The following CDC42EP5 variants were observed in gnomAD, a reference collection of about 807,000 sequenced individuals.
CDC42EP5 encodes the protein CDC42 effector protein (Rho GTPase binding) 5.
For missense variants in CDC42EP5, 269 were observed against 238.0 expected, an observed-to-expected ratio of 1.13 and a Z score of -0.86; for synonymous variants, 118 against 123.3, an observed-to-expected ratio of 0.96 and a Z score of 0.28.
At chr19:54,468,992 C>CTTCT (rs775478912) in intron 2 of CDC42EP5, among the ~76,000 whole-genome samples, 9 of 144,064 alleles carry the variant, frequency 6.2e-5, no homozygotes, top group African/African-American at 1.5e-4. Context: ...TCCTTCCTTC[C>CTTCT]TTCTTTCTTT....
At chr19:54,466,394 G>A (rs1383538243) in intron 2 of CDC42EP5, among the ~76,000 whole-genome samples, 1 of 152,156 alleles carries the variant, frequency 6.6e-6, no homozygotes, top group East Asian at 1.9e-4. Flanking sequence ...TCGTGTCACT[G>A]TATTGGCCAC....
At chr19:54,466,702 A>T (rs931684669) in intron 2 of CDC42EP5, among the ~76,000 whole-genome samples, 2 of 152,222 alleles carry the variant, frequency 1.3e-5, no homozygotes, top group Non-Finnish European at 2.9e-5. Context: ...TACAGTAATA[A>T]AAAATGAGTA....
At position 54,465,531 on chromosome 19, in the gene CDC42EP5, T is replaced by TGCTTCAGC. The variant is rs1403242870; in HGVS notation, c.9_16dup (p.Gln6ArgfsTer2). Reference sequence around the variant, plus strand: ...CTTCTTGGGCTGCGCGGGGCCCAGCTGCTTCAGCACGGGCATCTGCGAGGG... The same window carrying TGCTTCAGC: ...CTTCTTGGGCTGCGCGGGGCCCAGCTGCTTCAGCGCTTCAGCACGGGCATCTGCGAGGG... On this transcript the variant is annotated stop_gained and frameshift_variant, in exon 3 of 3. Coordinates refer to ENST00000301200, the MANE Select transcript of CDC42EP5 (RefSeq NM_145057.4). LOFTEE classifies it low-confidence loss of function (END_TRUNC). 1 of 1,536,818 alleles carries TGCTTCAGC rather than the reference T, an allele frequency of 6.5e-7. No individual in the cohort carries two copies. Among genetic ancestry groups the TGCTTCAGC allele is most frequent in the Admixed American group, 2.0e-5 (1 of 51,070 alleles).
intron 2 of CDC42EP5, among the ~76,000 whole-genome samples, chr19:54,466,375 G>A (rs2084756906): frequency 6.6e-6 from 1 of 152,164 alleles, no homozygotes; most frequent in African/African-American, 2.4e-5. Flanking sequence ...AGGTTGCAGG[G>A]AGCCGAGATC....
intron 2 of CDC42EP5, among the ~76,000 whole-genome samples, chr19:54,467,260 C>G (rs965440055): frequency 1.3e-5 from 2 of 148,638 alleles, no homozygotes; most frequent in African/African-American, 4.9e-5. Flanking sequence ...ACCAGCCTGA[C>G]CAACATGGTG....
chr19:54,468,934 T>TC (rs2084797039), intron 2 of CDC42EP5, among the ~76,000 whole-genome samples: 4 of 146,408 alleles, frequency 2.7e-5, no homozygotes, highest in African/African-American at 1.0e-4. Context: ...TTTCTTTCTT[T>TC]TCTTCCCTCC....
chr19:54,465,402 A>T lies in CDC42EP5; in HGVS notation c.146T>A (p.Leu49Gln). The T allele has an allele frequency of 7.7e-7, 1 of 1,294,538 alleles. No homozygotes were observed. Among genetic ancestry groups the T allele is most frequent in the East Asian group, 3.2e-5 (1 of 30,848 alleles). The allele number at this position is 1,294,538 out of a possible 1,614,324, so 80.2% of individuals were successfully genotyped here. Reference sequence around the variant, plus strand: ...GGGCGGCCCGCCGCCGTGGCGGCTCAGGAACGAGGTGTCCCCGAAGGCGTC... The same window carrying T: ...GGGCGGCCCGCCGCCGTGGCGGCTCTGGAACGAGGTGTCCCCGAAGGCGTC... ...GGDAFGDTSF[L>Q]SRHGGGPPPE... The change falls in exon 3 of 3, where the codon CTG (leucine) becomes CAG (glutamine). Residue 49 changes from leucine (L) to glutamine (Q), a missense_variant. By Grantham distance (113) the Leu-to-Gln change is moderately radical. Transcript: ENST00000301200.
intron 2 of CDC42EP5, among the ~76,000 whole-genome samples, chr19:54,469,777 C>T (rs2084810082): frequency 5.3e-5 from 8 of 152,134 alleles, no homozygotes; most frequent in Admixed American, 5.2e-4. Flanking sequence ...ACAAAGCCAG[C>T]TCTAGGGAAC....
intron 2 of CDC42EP5, 76 bp from the exon 3 acceptor site, chr19:54,465,623 G>A (rs2084746356): frequency 1.5e-6 from 2 of 1,336,282 alleles, no homozygotes; most frequent in East Asian, 3.2e-5. Flanking sequence ...AGGACGATGG[G>A]GGACGGTTCC....
chr19:54,465,177 C>T lies in CDC42EP5; in HGVS notation c.371G>A (p.Arg124His), dbSNP rs1325399442. ...GGCCTGGGGGGGCTGCGTCCCGGGGCGGGGTTCCGCGTCGGGCTTGGCGGC... is the reference window on the plus strand; with the variant it reads ...GGCCTGGGGGGGCTGCGTCCCGGGGTGGGGTTCCGCGTCGGGCTTGGCGGC... ...AAAAKPDAEP[R>H]PGTQPPQARC... is the part of the protein sequence containing the mutation. Residue 124 changes from arginine to histidine, a missense_variant, in exon 3 of 3, where the codon CGC (arginine) becomes CAC (histidine). By Grantham distance (29) the Arg-to-His change is conservative. Coordinates refer to ENST00000301200, the MANE Select transcript of CDC42EP5 (RefSeq NM_145057.4). 4 of 1,419,220 alleles carry T rather than the reference C, an allele frequency of 2.8e-6. No homozygotes were observed. Among genetic ancestry groups the T allele is most frequent in the Middle Eastern group, 2.0e-4 (1 of 4,954 alleles). 87.9% of individuals were successfully genotyped at this position (1,419,220 alleles called of 1,614,324 possible).
rs763095870 is a variant in CDC42EP5 at position 54,465,221 on chromosome 19, C to T, written c.327G>A (p.Ala109=). Residue 109 remains alanine, a synonymous_variant, in exon 3 of 3, where the codon GCG becomes GCA. Coordinates refer to ENST00000301200, the MANE Select transcript of CDC42EP5 (RefSeq NM_145057.4). The stretch of plus-strand genomic sequence containing the variant: ...TGGCGGCAGCCGCCTCCGGGCGCGC[C>T]GCGTCCATGACGCCCAGCACCGCGT... ...MLDAVLGVMD[A]ARPEAAAAKP... The T allele has an allele frequency of 2.9e-4, 419 of 1,441,078 alleles. No homozygotes were observed. Among genetic ancestry groups the T allele is most frequent in the Non-Finnish European group, 2.3e-4 (258 of 1,101,298 alleles). The allele number at this position is 1,441,078 out of a possible 1,614,324, so 89.3% of individuals were successfully genotyped here.
intron 2 of CDC42EP5, among the ~76,000 whole-genome samples, chr19:54,466,139 G>A (rs1302104498): frequency 4.0e-5 from 6 of 151,874 alleles, no homozygotes; most frequent in Non-Finnish European, 7.4e-5. Context: ...AGACTTGACT[G>A]ATAGAAAACT....
rs1484688936 is a variant in CDC42EP5, at chr19:54,473,289, C to G, written c.-367G>C. 3 of 152,864 alleles carry G rather than the reference C, an allele frequency of 2.0e-5. No individual in the cohort carries two copies. The highest frequency in any genetic ancestry group is 1.3e-4 in the Admixed American group (2 of 15,254). 9.5% of individuals were successfully genotyped at this position (152,864 alleles called of 1,614,324 possible). A position where few individuals can be genotyped will look rare whatever the true frequency, so the allele number is the denominator to read the frequency against. The stretch of plus-strand genomic sequence containing the variant: ...GTGTGGGGGCGGGAGGAGGCCAGGA[C>G]TAAGTGTGCAGGGGGAACTGGCAGA... On this transcript the variant is annotated 5_prime_UTR_variant, in exon 1 of 3. Transcript: ENST00000301200.
chr19:54,466,887 C>G (rs1418009301), intron 2 of CDC42EP5, among the ~76,000 whole-genome samples: 1 of 151,030 alleles, frequency 6.6e-6, no homozygotes, highest in Admixed American at 6.6e-5. Context: ...CATAGGGGTC[C>G]CAGAACCAGT....
intron 2 of CDC42EP5, among the ~76,000 whole-genome samples, chr19:54,468,351 A>G: frequency 1.2e-5 from 1 of 86,292 alleles, no homozygotes; most frequent in South Asian, 3.2e-4. Context: ...TGGCCTACAC[A>G]CACACACACA....
chr19:54,466,165 G>A (rs2084754979), intron 2 of CDC42EP5, among the ~76,000 whole-genome samples: 1 of 151,938 alleles, frequency 6.6e-6, no homozygotes, highest in South Asian at 2.1e-4. Flanking sequence ...TTGTTGGCCC[G>A]GGTGCGGTGG....
Position 54,473,288 on chromosome 19 carries a change from A to C in CDC42EP5, c.-366T>G, listed in dbSNP as rs375414079. On this transcript the variant is annotated 5_prime_UTR_variant, in exon 1 of 3. Transcript: ENST00000301200. ...AGTGTGGGGGCGGGAGGAGGCCAGG[A>C]CTAAGTGTGCAGGGGGAACTGGCAG... 789 of 152,492 alleles carry C rather than the reference A, an allele frequency of 5.2e-3. 4 individuals are homozygous for C. The highest frequency in any genetic ancestry group is 0.037 in the Middle Eastern group (11 of 296). The allele number at this position is 152,492 out of a possible 1,614,324, so 9.4% of individuals were successfully genotyped here. A position where few individuals can be genotyped will look rare whatever the true frequency, so the allele number is the denominator to read the frequency against.
chr19:54,469,567 G>A (rs375527514), intron 2 of CDC42EP5, among the ~76,000 whole-genome samples: 46 of 152,312 alleles, frequency 3.0e-4, no homozygotes, highest in African/African-American at 1.1e-3. Context: ...CTTGAAAATG[G>A]CATGATATTA....
chr19:54,469,411 C>G (rs1385389647), intron 2 of CDC42EP5, among the ~76,000 whole-genome samples: 1 of 152,144 alleles, frequency 6.6e-6, no homozygotes, highest in Admixed American at 6.5e-5. Context: ...GCTAACAGAG[C>G]CTATGATCTC....
Sources: allele counts gnomAD v4.1 joint callset (sites outside exome capture counted in the v4.1 genomes callset), GRCh38; gene constraint gnomAD v4.1.1; transcripts MANE v1.5; gene names NCBI Gene and HGNC (gene_info 2026-07-23, HGNC 2026-07-21).